The following UBE2U variants were observed in gnomAD, a reference collection of about 807,000 sequenced individuals.
UBE2U encodes the protein ubiquitin conjugating enzyme E2 U.
Under a neutral mutation model 41.2 loss-of-function variants are expected in UBE2U, and 39 were observed. That is an observed-to-expected ratio of 0.95 (90% CI 0.73 to 1.24). The LOEUF is 1.24. UBE2U is among the 50% of genes most tolerant of loss of function. The pLI is 0.00. For missense variants in UBE2U, 336 were observed against 363.1 expected (o/e 0.93, Z 0.61); for synonymous variants, 107 against 117.8 (o/e 0.91, Z 0.60).
chr1:64,218,735 A>C (rs1652202737), intron 5 of UBE2U, among the ~76,000 whole-genome samples: 1 of 152,220 alleles, frequency 6.6e-6, no homozygotes. Flanking sequence ...TGGTTACATT[A>C]ATATGACTTT....
chr1:64,251,699 T>C (rs1176872060), intron 8 of UBE2U, among the ~76,000 whole-genome samples: 1 of 152,130 alleles, frequency 6.6e-6, no homozygotes, highest in African/African-American at 2.4e-5. Context: ...CCACGGATCT[T>C]TGCAACTCGT....
intron 8 of UBE2U, among the ~76,000 whole-genome samples, chr1:64,248,852 A>T (rs1644962810): frequency 6.6e-6 from 1 of 152,168 alleles, no homozygotes; most frequent in African/African-American, 2.4e-5. Context: ...AAGCCTCACA[A>T]AGAGCTGGAA....
At chr1:64,223,400 G>GGT in intron 6 of UBE2U, among the ~76,000 whole-genome samples, 1 of 152,220 alleles carries the variant, frequency 6.6e-6, no homozygotes, top group South Asian at 2.1e-4. Context: ...GTAGTTGGAA[G>GGT]ACCACAGGGA....
chr1:64,252,430 A>G (rs150061346), intron 8 of UBE2U, among the ~76,000 whole-genome samples: 1 of 152,264 alleles, frequency 6.6e-6, no homozygotes, highest in Non-Finnish European at 1.5e-5. Flanking sequence ...TGGGTCCTTG[A>G]TCCTGTTCCT....
chr1:64,228,686 CT>C (rs59774097), intron 6 of UBE2U, among the ~76,000 whole-genome samples: 14,985 of 95,560 alleles, frequency 0.16, 1,268 homozygotes, highest in East Asian at 0.36. Flanking sequence ...CTCTCTCTCT[CT>C]TTTTTTTTTT....
chr1:64,249,391 A>G (rs986175914), intron 8 of UBE2U, among the ~76,000 whole-genome samples: 5 of 150,904 alleles, frequency 3.3e-5, no homozygotes, highest in African/African-American at 1.2e-4. Context: ...AAAAAAAAAA[A>G]AAAAAAATCA....
chr1:64,206,783 A>T lies in UBE2U; in HGVS notation c.168A>T (p.Thr56=), dbSNP rs147945802. The T allele has an allele frequency of 1.3e-3, 2,029 of 1,598,410 alleles. 20 individuals carry two copies. The highest frequency in any genetic ancestry group is 4.2e-4 in the Admixed American group (25 of 58,832). The change falls in exon 3 of 10, where the codon ACA becomes ACT. Residue 56 remains threonine, a synonymous_variant. Transcript: ENST00000371077. ...SVWQGLVFQL[T]IHFTSEYNYA... is the part of the protein sequence containing the mutation. Reference sequence around the variant, plus strand: ...TTATAGGTTTAGTCTTCCAACTGACAATACATTTTACATCGGAGTACAACT... The same window carrying T: ...TTATAGGTTTAGTCTTCCAACTGACTATACATTTTACATCGGAGTACAACT...
chr1:64,241,719 A>T lies in UBE2U; in HGVS notation c.663A>T (p.Lys221Asn). 1 of 1,608,884 alleles carries T rather than the reference A, an allele frequency of 6.2e-7. No homozygotes were observed. The highest frequency in any genetic ancestry group is 1.1e-5 in the South Asian group (1 of 90,180). ...AGAAAATGGATCTACAGCATCAGAA[A>T]GAATGGAATTTAAAGTAAGAAATAT... is the stretch of plus-strand genomic sequence containing the variant. ...KWKKMDLQHQKEWNLKYSVIK... is the reference protein window; with the variant it reads ...KWKKMDLQHQNEWNLKYSVIK... The change falls in exon 8 of 10, where the codon AAA becomes AAT. Residue 221 changes from lysine to asparagine, a missense_variant. Lys to Asn is a moderately conservative substitution (Grantham distance 94). Transcript: ENST00000371077.
chr1:64,266,916 C>T (rs1645263143), intron 9 of UBE2U, 108 bp from the exon 10 acceptor site: 2 of 989,272 alleles, frequency 2.0e-6, no homozygotes, highest in Non-Finnish European at 2.9e-6. Context: ...TGCTCACATT[C>T]ATTCAGATGG....
chr1:64,257,956 T>TC (rs1372313362), intron 8 of UBE2U, among the ~76,000 whole-genome samples: 1 of 151,990 alleles, frequency 6.6e-6, no homozygotes, highest in East Asian at 1.9e-4. Flanking sequence ...GGAAAGAACT[T>TC]CCTCAACCTG....
intron 7 of UBE2U, among the ~76,000 whole-genome samples, chr1:64,239,091 A>G (rs1489246781): frequency 9.1e-5 from 4 of 43,994 alleles, no homozygotes; most frequent in African/African-American, 3.9e-4. Flanking sequence ...GAAGAGGAAG[A>G]GGAAGAAGAA....
intron 3 of UBE2U, 104 bp downstream of exon 3, chr1:64,206,960 A>G (rs936582597): frequency 3.1e-5 from 23 of 740,436 alleles, no homozygotes; most frequent in African/African-American, 1.7e-4. Flanking sequence ...TGATTCTAAA[A>G]GTAAGAACTC....
chr1:64,236,445 T>C (rs894634017), intron 7 of UBE2U, among the ~76,000 whole-genome samples: 1 of 152,208 alleles, frequency 6.6e-6, no homozygotes, highest in African/African-American at 2.4e-5. Context: ...TTCATAAGCA[T>C]AGGCAATCGT....
At chr1:64,239,342 T>C (rs1234019969) in intron 7 of UBE2U, among the ~76,000 whole-genome samples, 1 of 151,954 alleles carries the variant, frequency 6.6e-6, no homozygotes, top group African/African-American at 2.4e-5. Context: ...CATGTAAAAA[T>C]TACCAGTGCC....
chr1:64,243,853 G>A (rs759949950), intron 8 of UBE2U, among the ~76,000 whole-genome samples: 92 of 152,158 alleles, frequency 6.0e-4, no homozygotes, highest in African/African-American at 1.1e-3. Context: ...GCTCTTAAGC[G>A]CAGGGGCACT....
intron 7 of UBE2U, among the ~76,000 whole-genome samples, chr1:64,239,989 G>C (rs908585692): frequency 6.6e-6 from 1 of 152,192 alleles, no homozygotes; most frequent in South Asian, 2.1e-4. Context: ...CCCACCAACA[G>C]TGTAAAAGTG....
At chr1:64,212,725 C>G (rs1651735372) in intron 4 of UBE2U, among the ~76,000 whole-genome samples, 1 of 152,058 alleles carries the variant, frequency 6.6e-6, no homozygotes. Context: ...TGAAATACTC[C>G]AGTGAGCATT....
At chr1:64,265,099 A>C (rs921220246) in intron 9 of UBE2U, among the ~76,000 whole-genome samples, 1 of 152,054 alleles carries the variant, frequency 6.6e-6, no homozygotes, top group Non-Finnish European at 1.5e-5. Context: ...TTTCCCCTGG[A>C]TGTTGCTGTG....
chr1:64,214,801 G>A lies in UBE2U; in HGVS notation c.340-14G>A, dbSNP rs957790936. On this transcript the variant is annotated splice_polypyrimidine_tract_variant and intron_variant, in intron 4 of 9. Coordinates refer to ENST00000371077, the MANE Select transcript of UBE2U (RefSeq NM_001366232.2). The stretch of plus-strand genomic sequence containing the variant: ...TTACTTCTGAAATTATATGTTGTCT[G>A]TGTTTTCCTATAGGTTATGCTTTCT... 5 of 1,605,996 alleles carry A rather than the reference G, an allele frequency of 3.1e-6. No homozygotes were observed. Among genetic ancestry groups the A allele is most frequent in the African/African-American group, 2.7e-5 (2 of 74,884 alleles).
Sources: gnomAD v4.1 joint callset for allele counts (sites outside exome capture counted in the v4.1 genomes callset) on GRCh38, gnomAD v4.1.1 for gene constraint, MANE v1.5 for transcripts, NCBI Gene and HGNC (gene_info 2026-07-23, HGNC 2026-07-21) for gene names.